Variants in ULK4 observed in about 807,000 individuals in gnomAD.
The protein encoded by ULK4 is inactive serine/threonine-protein kinase ULK4.
A neutral mutation model predicts 160.6 loss-of-function variants in ULK4; 133 were observed. The observed-to-expected ratio is 0.83, with a 90% CI of 0.72 to 0.96. The LOEUF (loss-of-function observed/expected upper bound fraction) is 0.96, where lower values mean the gene tolerates loss of function less well. ULK4 is among the 40% of genes least tolerant of loss of function. The pLI is 0.00. For synonymous variants in ULK4, 534 were observed against 539.8 expected, an observed-to-expected ratio of 0.99 and a Z score of 0.15; for missense variants, 1,580 against 1,499.5, an observed-to-expected ratio of 1.05 and a Z score of -0.89.
chr3:41,878,909 C>T (rs6794477), intron 17 of ULK4, among the ~76,000 whole-genome samples: 104,440 of 151,680 alleles, frequency 0.69, 39,338 homozygotes, highest in East Asian at 0.83. Context: ...AGCCATCCCC[C>T]CAAAAAAAAG....
intron 30 of ULK4, among the ~76,000 whole-genome samples, chr3:41,649,321 C>A (rs894215499): frequency 2.6e-5 from 4 of 152,152 alleles, no homozygotes; most frequent in African/African-American, 9.6e-5. Context: ...GTGGGGCCAG[C>A]AAGAGGCAGG....
chr3:41,458,346 A>G (rs1406994975), intron 33 of ULK4, among the ~76,000 whole-genome samples: 3 of 152,216 alleles, frequency 2.0e-5, no homozygotes, highest in African/African-American at 2.4e-5. Context: ...AACGTGCAAC[A>G]TGATGGTGTT....
intron 18 of ULK4, among the ~76,000 whole-genome samples, chr3:41,821,174 G>T (rs1271638653): frequency 6.6e-6 from 1 of 152,072 alleles, no homozygotes; most frequent in Non-Finnish European, 1.5e-5. Flanking sequence ...CTCTTTAGTT[G>T]TCCCTTTACT....
Position 41,680,087 on chromosome 3 carries a change from A to G in ULK4, c.2978+1421T>C, listed in dbSNP as rs1419663691. ...GAATTTTCTTGTCAGAAAGATGCATATAACTATATATGAATACTTTTAGAA... is the reference window on the plus strand; with the variant it reads ...GAATTTTCTTGTCAGAAAGATGCATGTAACTATATATGAATACTTTTAGAA... On this transcript the variant is annotated intron_variant, in intron 29 of 36. Coordinates refer to ENST00000301831, the MANE Select transcript of ULK4 (RefSeq NM_017886.4). 2.0e-5 allele frequency among the ~76,000 whole-genome samples: 3 copies of G among 152,350 alleles called. No homozygotes were observed. In the East Asian group the frequency reaches 5.8e-4, roughly 29 times the overall value.
intron 35 of ULK4, among the ~76,000 whole-genome samples, chr3:41,298,472 T>C (rs2125708795): frequency 6.6e-6 from 1 of 152,360 alleles, no homozygotes; most frequent in East Asian, 1.9e-4. Flanking sequence ...TTAACCAAAA[T>C]TATTGCTATT....
chr3:41,650,676 G>A (rs1000370569), intron 30 of ULK4, among the ~76,000 whole-genome samples: 1 of 152,250 alleles, frequency 6.6e-6, no homozygotes, highest in Non-Finnish European at 1.5e-5. Flanking sequence ...CACAAGCCGA[G>A]TGCAGCCTGC....
At chr3:41,584,769 T>C (rs1210972457) in intron 31 of ULK4, among the ~76,000 whole-genome samples, 1 of 152,106 alleles carries the variant, frequency 6.6e-6, no homozygotes, top group African/African-American at 2.4e-5. Flanking sequence ...ACTCAAGATA[T>C]ACATAATGTC....
chr3:41,418,583 G>A (rs1003951364), intron 34 of ULK4, among the ~76,000 whole-genome samples: 9 of 152,032 alleles, frequency 5.9e-5, no homozygotes, highest in Admixed American at 1.3e-4. Context: ...ATTTCCTTAT[G>A]AGAACTCCCA....
intron 21 of ULK4, among the ~76,000 whole-genome samples, chr3:41,759,870 A>C (rs2038929064): frequency 6.6e-6 from 1 of 152,174 alleles, no homozygotes; most frequent in Non-Finnish European, 1.5e-5. Flanking sequence ...CATATGACCA[A>C]ATGATGCTGG....
At chr3:41,490,561 A>G (rs1253020418) in intron 32 of ULK4, among the ~76,000 whole-genome samples, 1 of 152,182 alleles carries the variant, frequency 6.6e-6, no homozygotes, top group Non-Finnish European at 1.5e-5. Flanking sequence ...CAATTTTGCA[A>G]TATCATCATA....
intron 22 of ULK4, among the ~76,000 whole-genome samples, chr3:41,752,592 A>G (rs925922081): frequency 6.6e-6 from 1 of 152,232 alleles, no homozygotes; most frequent in Non-Finnish European, 1.5e-5. Context: ...AAATCAAGAG[A>G]AGAATCTAAC....
At chr3:41,948,561 A>G (rs540965295) in intron 2 of ULK4, among the ~76,000 whole-genome samples, 4 of 152,178 alleles carry the variant, frequency 2.6e-5, no homozygotes, top group Non-Finnish European at 4.4e-5. Flanking sequence ...ATTCAGCAGT[A>G]TATTAAAAGG....
At chr3:41,419,733 G>A (rs189078058) in intron 34 of ULK4, among the ~76,000 whole-genome samples, 288 of 152,210 alleles carry the variant, frequency 1.9e-3, no homozygotes, top group Non-Finnish European at 2.5e-3. Flanking sequence ...AAGGCCCGGG[G>A]GTACGTGCTG....
chr3:41,442,230 T>A (rs1234568351), intron 34 of ULK4, among the ~76,000 whole-genome samples: 1 of 151,970 alleles, frequency 6.6e-6, no homozygotes, highest in African/African-American at 2.4e-5. Context: ...ACAGAGGAGG[T>A]AGAAATTTAA....
intron 34 of ULK4, among the ~76,000 whole-genome samples, chr3:41,412,433 T>A (rs2082426580): frequency 6.7e-6 from 1 of 148,972 alleles, no homozygotes; most frequent in Non-Finnish European, 1.5e-5. Flanking sequence ...TGACAAGCCA[T>A]GTCAAAGTTT....
intron 18 of ULK4, among the ~76,000 whole-genome samples, chr3:41,820,403 G>C (rs2041107029): frequency 6.6e-6 from 1 of 152,028 alleles, no homozygotes; most frequent in Admixed American, 6.6e-5. Flanking sequence ...CAAAAACATG[G>C]AATCAACTTA....
At chr3:41,863,196 T>C (rs1302770340) in intron 17 of ULK4, among the ~76,000 whole-genome samples, 1 of 152,062 alleles carries the variant, frequency 6.6e-6, no homozygotes, top group Admixed American at 6.5e-5. Flanking sequence ...CTCCTTCCCC[T>C]TTCCAAAGGG....
At chr3:41,724,270 T>C (rs1370935748) in intron 22 of ULK4, among the ~76,000 whole-genome samples, 3 of 152,222 alleles carry the variant, frequency 2.0e-5, no homozygotes, top group African/African-American at 7.2e-5. Context: ...GCATAACTTA[T>C]GCTGGATGCA....
At chr3:41,681,107 G>A (rs1349904017) in intron 29 of ULK4, among the ~76,000 whole-genome samples, 1 of 152,100 alleles carries the variant, frequency 6.6e-6, no homozygotes, top group African/African-American at 2.4e-5. Flanking sequence ...TATTCCAAGA[G>A]TTTGGAGAAG....
Sources: allele counts gnomAD v4.1 joint callset (sites outside exome capture counted in the v4.1 genomes callset), GRCh38; gene constraint gnomAD v4.1.1; transcripts MANE v1.5; gene names NCBI Gene and HGNC (gene_info 2026-07-23, HGNC 2026-07-21).